Variants in FBXL16 observed in about 807,000 individuals in gnomAD.
FBXL16 encodes F-box and leucine rich repeat protein 16.
Under a neutral mutation model 36.7 loss-of-function variants are expected in FBXL16, and 7 were observed. The observed-to-expected ratio is 0.19, with a 90% CI of 0.11 to 0.36. The LOEUF is 0.36. Ranked by LOEUF, FBXL16 falls within the 10% of genes least tolerant of loss-of-function variation. FBXL16 has a pLI of 1.00. For missense variants in FBXL16, 463 were observed against 659.4 expected (o/e 0.70, Z 3.26); for synonymous variants, 355 against 308.7 (o/e 1.15, Z -1.57).
intron 4 of FBXL16, 80 bp downstream of exon 4, chr16:694,912 G>A: frequency 1.4e-6 from 2 of 1,414,912 alleles, no homozygotes; most frequent in Non-Finnish European, 1.9e-6. Context: ...ACTCTCCCAG[G>A]ATCTGAGTGG....
chr16:693,977 C>A lies in FBXL16; in HGVS notation c.*298G>T. On this transcript the variant is annotated 3_prime_UTR_variant, in exon 6 of 6. Transcript: ENST00000397621. The stretch of plus-strand genomic sequence containing the variant: ...GAGCGAGTGATGGCGGCGGCTGTGG[C>A]TGTGGCGTGGCGGAGGGCGGCGTGC... 1 of 137,154 alleles carries A rather than the reference C, an allele frequency of 7.3e-6. No individual in the cohort carries two copies. Among genetic ancestry groups the A allele is most frequent in the South Asian group, 2.1e-4 (1 of 4,844 alleles). The allele number at this position is 137,154 out of a possible 1,614,324, so 8.5% of individuals were successfully genotyped here. A position where few individuals can be genotyped will look rare whatever the true frequency, so the allele number is the denominator to read the frequency against.
At chr16:703,229 C>A (rs767222440) in intron 1 of FBXL16, among the ~76,000 whole-genome samples, 3 of 152,192 alleles carry the variant, frequency 2.0e-5, no homozygotes, top group Non-Finnish European at 4.4e-5. Flanking sequence ...GGGTCCCTGC[C>A]ACGGCGCTGC....
At chr16:705,366 G>A (rs1452630234) in intron 1 of FBXL16, 146 bp downstream of exon 1, 1 of 152,082 alleles carries the variant, frequency 6.6e-6, no homozygotes. Context: ...GGGGGAGGTG[G>A]GGAAGGGGCT....
At position 697,382 on chromosome 16, in the gene FBXL16, G is replaced by A. The variant is rs1229473663; in HGVS notation, c.24C>T (p.Gly8=). 11 of 1,535,836 alleles carry A rather than the reference G, an allele frequency of 7.2e-6. No homozygotes were observed. The highest frequency in any genetic ancestry group is 1.4e-5 in the African/African-American group (1 of 73,010). ...GAGGCAAGCATGGAGGCTTGGGGTC[G>A]CCGTCGATGCCCGGGCTCGACATCT... The part of the protein sequence containing the change: MSSPGID[G]DPKPPCLPRN... Residue 8 remains glycine (G), a synonymous_variant, in exon 2 of 6, where the codon GGC becomes GGT. Coordinates refer to ENST00000397621, the MANE Select transcript of FBXL16 (RefSeq NM_153350.4). The surrounding 1 kb of genome is among the most constrained non-coding windows in gnomAD (Gnocchi z 4.6).
Position 695,701 on chromosome 16 carries a change from C to A in FBXL16, c.856G>T (p.Ala286Ser), listed in dbSNP as rs758353826. 1.2e-6 allele frequency: 2 copies of A among 1,604,654 alleles called. No homozygotes were observed. The highest frequency in any genetic ancestry group is 1.7e-6 in the Non-Finnish European group (2 of 1,179,136). Residue 286 changes from alanine to serine, a missense_variant, in exon 3 of 6, where the codon GCC (alanine) becomes TCC (serine). By Grantham distance (99) the Ala-to-Ser change is moderately conservative (BLOSUM62 1). This residue lies in a region of FBXL16 where 66 missense variants were observed against 146.3 expected (regional missense o/e 0.45). Coordinates refer to ENST00000397621, the MANE Select transcript of FBXL16 (RefSeq NM_153350.4). ...TGGCCCTGGCGCGCCGTGAAGTAGG[C>A]CAGCGCCGTGTCCGTCACGTGGTAG... ...QAYHVTDTAL[A>S]YFTARQGHST...
chr16:703,307 ACCT>A (rs569221649), intron 1 of FBXL16, among the ~76,000 whole-genome samples: 216 of 151,738 alleles, frequency 1.4e-3, no homozygotes, highest in Non-Finnish European at 2.4e-3. Flanking sequence ...TGCCTGGGAA[ACCT>A]CCTCACCCCT....
chr16:699,428 G>C (rs2040039968), intron 1 of FBXL16, among the ~76,000 whole-genome samples: 2 of 152,324 alleles, frequency 1.3e-5, no homozygotes, highest in African/African-American at 4.8e-5. Flanking sequence ...GGAGGAGGTA[G>C]AGCCCCTGGG....
In FBXL16 at chr16:698,673, T is replaced by C. The variant is rs138695514; in HGVS notation, c.-14-1254A>G. ...GGCTGATGCCTGTAATTCTAGCACT[T>C]TGGGAGGCTGAGGTGGGTGGATTAC... On this transcript the variant is annotated intron_variant, in intron 1 of 5. Coordinates refer to ENST00000397621, the MANE Select transcript of FBXL16 (RefSeq NM_153350.4). Among the ~76,000 whole-genome samples the C allele has an allele frequency of 7.6e-3, 1,155 of 151,814 alleles. 17 individuals are homozygous for C. The highest frequency in any genetic ancestry group is 0.027 in the African/African-American group (1,108 of 41,420).
rs766336024 is a variant in FBXL16 at position 697,077 on chromosome 16, G to A, written c.329C>T (p.Ser110Leu). ...KILNGLFWYF[S>L]ACEKCVLAQV... ...GGCCAGCACACACTTCTCGCAGGCCGAGAAATACCAGAAGAGCCCATTGAG... is the reference window on the plus strand; with the variant it reads ...GGCCAGCACACACTTCTCGCAGGCCAAGAAATACCAGAAGAGCCCATTGAG... Residue 110 changes from serine to leucine, a missense_variant, in exon 2 of 6, where the codon TCG (serine) becomes TTG (leucine). Physicochemically the swap from Ser to Leu is moderately radical, Grantham distance 145 (BLOSUM62 -2). Coordinates refer to ENST00000397621, the MANE Select transcript of FBXL16 (RefSeq NM_153350.4). The surrounding 1 kb of genome is among the most constrained non-coding windows in gnomAD (Gnocchi z 4.6). 3 of 1,606,324 alleles carry A rather than the reference G, an allele frequency of 1.9e-6. No individual in the cohort carries two copies. Among genetic ancestry groups the A allele is most frequent in the African/African-American group, 1.3e-5 (1 of 74,744 alleles).
Position 697,230 on chromosome 16 carries a change from C to T in FBXL16, c.176G>A (p.Ser59Asn). 3 of 664,654 alleles carry T rather than the reference C, an allele frequency of 4.5e-6. No homozygotes were observed. Among genetic ancestry groups the T allele is most frequent in the Non-Finnish European group, 3.5e-6 (2 of 567,546 alleles). The allele number at this position is 664,654 out of a possible 1,614,324, so 41.2% of individuals were successfully genotyped here. The change falls in exon 2 of 6, where the codon AGC (serine) becomes AAC (asparagine). Residue 59 changes from serine to asparagine, a missense_variant. Ser to Asn is a conservative substitution (Grantham distance 46, BLOSUM62 1). Around this residue, in one of 3 missense-constraint regions of FBXL16, gnomAD observed 263 missense variants for 341.1 expected, o/e 0.77. Transcript: ENST00000397621. The surrounding 1 kb of genome is among the most constrained non-coding windows in gnomAD (Gnocchi z 4.6). Reference sequence around the variant, plus strand: ...AGCCCGGGACAGTGGAGCAGCCAGGCTGGGTGGTGGGAGGGTGGGTGGGGG... The same window carrying T: ...AGCCCGGGACAGTGGAGCAGCCAGGTTGGGTGGTGGGAGGGTGGGTGGGGG... ...PPPPPTLPPP[S>N]LAAPLSRAAL...
At chr16:703,781 C>T (rs1054985815) in intron 1 of FBXL16, among the ~76,000 whole-genome samples, 1 of 152,242 alleles carries the variant, frequency 6.6e-6, no homozygotes, top group Admixed American at 6.5e-5. Flanking sequence ...ACTGAGGGCC[C>T]ATGGTCAAGC....
chr16:699,935 G>A (rs2040043506), intron 1 of FBXL16, among the ~76,000 whole-genome samples: 1 of 152,202 alleles, frequency 6.6e-6, no homozygotes. Context: ...TCCCTTCTGG[G>A]GCTACAGGGC....
At position 696,968 on chromosome 16, in the gene FBXL16, G is replaced by C; in HGVS notation, c.438C>G (p.Leu146=). 1 of 1,599,744 alleles carries C rather than the reference G, an allele frequency of 6.3e-7. No individual in the cohort carries two copies. The highest frequency in any genetic ancestry group is 8.5e-7 in the Non-Finnish European group (1 of 1,174,450). Residue 146 remains leucine (L), a synonymous_variant, in exon 2 of 6, where the codon CTC becomes CTG. Transcript: ENST00000397621. ...TCTCGCCACCAGGCAGCACGTTGTA[G>C]AGCTCCTTGGCATGCAGCACCGGCG... ...GLTPVLHAKE[L]YNVLPGGEKE...
chr16:702,595 GC>G (rs1340963080), intron 1 of FBXL16, among the ~76,000 whole-genome samples: 1 of 152,214 alleles, frequency 6.6e-6, no homozygotes, highest in Non-Finnish European at 1.5e-5. Context: ...AGCTGCCAAG[GC>G]CCCCGGAGGG....
Position 697,319 on chromosome 16 carries a change from G to A in FBXL16, c.87C>T (p.Gly29=), listed in dbSNP as rs1351666900. 2 of 1,535,220 alleles carry A rather than the reference G, an allele frequency of 1.3e-6. No individual in the cohort carries two copies. Among genetic ancestry groups the A allele is most frequent in the Non-Finnish European group, 1.7e-6 (2 of 1,146,532 alleles). Reference sequence around the variant, plus strand: ...CCTTGGTGATGCTGGCCGCACCCAGGCCGTTGGGCTGGCCCGGCAGCTTCA... The same window carrying A: ...CCTTGGTGATGCTGGCCGCACCCAGACCGTTGGGCTGGCCCGGCAGCTTCA... The part of the protein sequence containing the change: ...GLVKLPGQPN[G]LGAASITKGT... The change falls in exon 2 of 6, where the codon GGC becomes GGT. Residue 29 remains glycine, a synonymous_variant. Coordinates refer to ENST00000397621, the MANE Select transcript of FBXL16 (RefSeq NM_153350.4). This position sits in a 1 kb window ranked among gnomAD's most constrained non-coding sequence, Gnocchi z 4.6.
intron 5 of FBXL16, 25 bp from the exon 6 acceptor site, chr16:694,448 C>T (rs780931754): frequency 9.8e-6 from 15 of 1,530,994 alleles, no homozygotes; most frequent in Non-Finnish European, 1.1e-5. Context: ...GAGGGCGGCT[C>T]AGTGCGCGCG....
intron 2 of FBXL16, 100 bp from the exon 3 acceptor site, chr16:696,023 A>G: frequency 3.5e-6 from 5 of 1,442,114 alleles, no homozygotes; most frequent in Non-Finnish European, 4.6e-6. Context: ...TGAACCCTGA[A>G]AACATTTGGC....
In FBXL16 at chr16:697,691, G is replaced by GT. The variant is rs1001483948; in HGVS notation, c.-14-273dup. Among the ~76,000 whole-genome samples, 13 of 151,832 alleles carry GT rather than the reference G, an allele frequency of 8.6e-5. No individual in the cohort carries two copies. The highest frequency in any genetic ancestry group is 1.9e-4 in the African/African-American group (8 of 41,312). On this transcript the variant is annotated intron_variant, in intron 1 of 5. Coordinates refer to ENST00000397621, the MANE Select transcript of FBXL16 (RefSeq NM_153350.4). The surrounding 1 kb of genome is among the most constrained non-coding windows in gnomAD (Gnocchi z 4.6). ...CCCATGGACACCCTCTTTTTCTTTT[G>GT]TTTTTTTTCTTTTTGAAACAGAGTT...
intron 1 of FBXL16, among the ~76,000 whole-genome samples, chr16:701,672 G>A (rs2040058569): frequency 6.6e-6 from 1 of 151,770 alleles, no homozygotes; most frequent in African/African-American, 2.4e-5. Flanking sequence ...CCCCTTTCCT[G>A]CTTGGCGACT....
Sources: gnomAD v4.1 joint callset for allele counts (sites outside exome capture counted in the v4.1 genomes callset) on GRCh38, gnomAD v4.1.1 for gene constraint, gnomAD v4.1.1 regional missense constraint, Gnocchi (gnomAD v3.1) non-coding constraint, MANE v1.5 for transcripts, NCBI Gene and HGNC (gene_info 2026-07-23, HGNC 2026-07-21) for gene names.